Variants in ZNF846 observed in about 807,000 individuals in gnomAD.
The protein encoded by ZNF846 is zinc finger protein 846, also known as zinc finger protein 420 pseudogene.
ZNF846 carries 15 observed loss-of-function variants against 16.0 expected under a neutral mutation model. That is an observed-to-expected ratio of 0.94 (90% CI 0.63 to 1.45). The LOEUF (loss-of-function observed/expected upper bound fraction) is 1.45. Ranked by LOEUF, ZNF846 falls within the 40% of genes most tolerant of loss-of-function variation. The pLI is 0.00. For synonymous variants in ZNF846, 229 were observed against 212.0 expected (o/e 1.08, Z -0.70); for missense variants, 714 against 622.3 (o/e 1.15, Z -1.57).
In ZNF846 at chr19:9,761,548, A is replaced by G. The variant is rs560840134; in HGVS notation, c.229+534T>C. On this transcript the variant is annotated intron_variant, in intron 4 of 5. Transcript: ENST00000397902. ...CAACATAGTGAAATCCCATCTCTACAAAAATACAAAAAATTAGTTGGGCGT... is the reference window on the plus strand; with the variant it reads ...CAACATAGTGAAATCCCATCTCTACGAAAATACAAAAAATTAGTTGGGCGT... 2.0e-5 allele frequency among the ~76,000 whole-genome samples: 3 copies of G among 152,012 alleles called. No individual in the cohort carries two copies. In the East Asian group the frequency reaches 5.8e-4, roughly 29 times the overall value.
exon 6 of ZNF846, chr19:9,758,666 A>G: frequency 6.2e-7 from 1 of 1,612,984 alleles, no homozygotes; most frequent in Non-Finnish European, 8.5e-7. Flanking sequence ...TTTTCTCTCC[A>G]ATGTGAGTTA....
chr19:9,763,979 C>A (rs2145234475), intron 2 of ZNF846, among the ~76,000 whole-genome samples: 1 of 152,324 alleles, frequency 6.6e-6, no homozygotes, highest in Non-Finnish European at 1.5e-5. Context: ...CCAGGTTGGA[C>A]TGCCAGAATG....
At chr19:9,750,367 C>T (rs1395259738), downstream of ZNF846, among the ~76,000 whole-genome samples, 1 of 152,172 alleles carries the variant, frequency 6.6e-6, no homozygotes, top group African/African-American at 2.4e-5. Flanking sequence ...ACTGAACCTT[C>T]CCTCTACGCA....
upstream of ZNF846, among the ~76,000 whole-genome samples, chr19:9,772,627 A>C (rs1236942164): frequency 6.6e-6 from 1 of 152,168 alleles, no homozygotes; most frequent in Admixed American, 6.6e-5. Context: ...AGAGTACAAA[A>C]AATGAAAAAT....
chr19:9,752,705 C>T (rs1462800958), downstream of ZNF846, among the ~76,000 whole-genome samples: 2 of 146,196 alleles, frequency 1.4e-5, no homozygotes, highest in Non-Finnish European at 3.0e-5. Flanking sequence ...TGCCTTGTAG[C>T]TGGATATTGA....
chr19:9,774,825 C>A, intron 1 of ZNF846: 2 of 1,607,770 alleles, frequency 1.2e-6, no homozygotes, highest in Admixed American at 1.7e-5. Flanking sequence ...TCCCTCATAG[C>A]ACTGGTGAAT....
intron 4 of ZNF846, among the ~76,000 whole-genome samples, chr19:9,760,409 A>C (rs1251275237): frequency 6.6e-6 from 1 of 151,606 alleles, no homozygotes; most frequent in South Asian, 2.1e-4. Flanking sequence ...TATCAGAATC[A>C]ACTGTGCTGG....
At chr19:9,781,288 T>C (rs968164197) in intron 1 of ZNF846, among the ~76,000 whole-genome samples, 4 of 151,974 alleles carry the variant, frequency 2.6e-5, no homozygotes, top group African/African-American at 9.7e-5. Context: ...CACCACGCCC[T>C]GTAATTTTTG....
At chr19:9,749,696 A>T (rs902781087), downstream of ZNF846, among the ~76,000 whole-genome samples, 1 of 151,904 alleles carries the variant, frequency 6.6e-6, no homozygotes, top group African/African-American at 2.4e-5. Flanking sequence ...CTAGTAAAAA[A>T]TTGTTGGCTA....
downstream of ZNF846, among the ~76,000 whole-genome samples, chr19:9,749,952 CCAT>C (rs2045070967): frequency 6.6e-6 from 1 of 152,132 alleles, no homozygotes; most frequent in South Asian, 2.1e-4. Flanking sequence ...CCACTCCCCC[CCAT>C]ATTTGGACCC....
At chr19:9,784,770 C>T (rs1049635882) in intron 1 of ZNF846, among the ~76,000 whole-genome samples, 1 of 152,044 alleles carries the variant, frequency 6.6e-6, no homozygotes, top group African/African-American at 2.4e-5. Flanking sequence ...CCTGGGTAAC[C>T]GAGAATGGAG....
chr19:9,758,855 T>C (rs2045177762), intron 5 of ZNF846, 91 bp from the exon 6 acceptor site: 1 of 1,056,014 alleles, frequency 9.5e-7, no homozygotes. Flanking sequence ...GCATTGGAAA[T>C]ATATTTAAAC....
exon 1 of ZNF846, chr19:9,768,596 T>C (rs1007550): frequency 0.023 from 3,432 of 152,340 alleles, 122 homozygotes; most frequent in African/African-American, 0.075. Flanking sequence ...GTCTCAGACC[T>C]AGCAGAAGTC....
intron 3 of ZNF846, 69 bp from the exon 4 acceptor site, chr19:9,762,237 C>A: frequency 8.1e-7 from 1 of 1,230,560 alleles, no homozygotes; most frequent in South Asian, 1.3e-5. Flanking sequence ...AATGGGGAAC[C>A]AATACTTTTG....
In ZNF846 at chr19:9,783,540, A is replaced by ATATATAT. The variant is rs1415322257; in HGVS notation, c.-86+2397_-86+2398insATATATA. On this transcript the variant is annotated intron_variant, in intron 1 of 4. Transcript: ENST00000586814. Reference sequence around the variant, plus strand: ...AGTCTCATCACTAAAAAAAAAAAAAAAAAAATATATATATATATATATATA... The same window carrying ATATATAT: ...AGTCTCATCACTAAAAAAAAAAAAAATATATATAAAAATATATATATATATATATATA... Among the ~76,000 whole-genome samples the ATATATAT allele has an allele frequency of 6.9e-3, 828 of 119,994 alleles. 4 individuals carry two copies. The highest frequency in any genetic ancestry group is 0.01 in the African/African-American group (259 of 25,592). The allele number at this position is 119,994 out of a possible 152,430, so 78.7% of individuals were successfully genotyped here. A position where few individuals can be genotyped will look rare whatever the true frequency, so the allele number is the denominator to read the frequency against.
At chr19:9,760,021 G>T (rs1219116277) in intron 4 of ZNF846, 79 bp from the exon 5 acceptor site, 2 of 1,061,738 alleles carry the variant, frequency 1.9e-6, no homozygotes, top group East Asian at 2.5e-5. Context: ...GCTGGGCGTG[G>T]TGGCTCACAC....
In ZNF846 at chr19:9,752,441, C is replaced by T; in HGVS notation, c.632-1G>A. 1 of 415,600 alleles carries T rather than the reference C, an allele frequency of 2.4e-6. No individual in the cohort carries two copies. Among genetic ancestry groups the T allele is most frequent in the Non-Finnish European group, 4.8e-6 (1 of 206,354 alleles). The allele number at this position is 415,600 out of a possible 1,614,324, so 25.7% of individuals were successfully genotyped here. A position where few individuals can be genotyped will look rare whatever the true frequency, so the allele number is the denominator to read the frequency against. On this transcript the variant is annotated splice_acceptor_variant, in intron 5 of 5. Transcript: ENST00000588267. LOFTEE classifies it high-confidence loss of function. ...TGGACAACATGATGAAACTTCGTCT[C>T]TACAAAAAAAAAAAATACACAAAAT...
rs868010450 is a variant in ZNF846 at position 9,775,000 on chromosome 19, C to A, written c.-85-9965G>T. 5.7e-5 allele frequency: 90 copies of A among 1,569,184 alleles called. No homozygotes were observed. In the South Asian group the frequency reaches 7.2e-4, roughly 13 times the overall value. On this transcript the variant is annotated intron_variant, in intron 1 of 4. Transcript: ENST00000586814. ...GGTTCCAGCAAGTGTAAGCAGAGGC[C>A]CCATGCAGTGCATTCAGACACCCGG...
downstream of ZNF846, among the ~76,000 whole-genome samples, chr19:9,751,383 TATTA>T (rs974592297): frequency 6.6e-6 from 1 of 152,184 alleles, no homozygotes; most frequent in Non-Finnish European, 1.5e-5. Flanking sequence ...TTATTTTATT[TATTA>T]TTTTTATTTC....
Sources: gnomAD v4.1 joint callset for allele counts (sites outside exome capture counted in the v4.1 genomes callset) on GRCh38, gnomAD v4.1.1 for gene constraint, MANE v1.5 for transcripts, NCBI Gene and HGNC (gene_info 2026-07-23, HGNC 2026-07-21) for gene names.